Variants in HECW2 observed in about 807,000 individuals in gnomAD.
HECW2 encodes the protein E3 ubiquitin-protein ligase HECW2.
In HECW2, 61 loss-of-function variants were observed where a neutral mutation model predicts 175.2. That is an observed-to-expected ratio of 0.35 (90% CI 0.28 to 0.43). HECW2 has a LOEUF of 0.43. Among genes scored for constraint, HECW2 ranks in the 20% least tolerant of loss-of-function variants. HECW2 has a pLI of 1.00. For synonymous variants in HECW2, 671 were observed against 731.0 expected, an observed-to-expected ratio of 0.92 and a Z score of 1.32; for missense variants, 1,524 against 2,000.5, an observed-to-expected ratio of 0.76 and a Z score of 4.54.
At chr2:196,436,812 G>C (rs1307179351) in intron 1 of HECW2, among the ~76,000 whole-genome samples, 4 of 147,562 alleles carry the variant, frequency 2.7e-5, no homozygotes, top group Admixed American at 6.8e-5. Flanking sequence ...GTGGGAACTT[G>C]AAATTTTGGG....
At chr2:196,245,503 A>C (rs1688613070) in intron 19 of HECW2, among the ~76,000 whole-genome samples, 1 of 152,200 alleles carries the variant, frequency 6.6e-6, no homozygotes, top group Non-Finnish European at 1.5e-5. Context: ...AATGCCCTAG[A>C]GACTGAAAAA....
At chr2:196,488,915 A>T (rs1194431779) in intron 1 of HECW2, among the ~76,000 whole-genome samples, 1 of 152,172 alleles carries the variant, frequency 6.6e-6, no homozygotes, top group East Asian at 1.9e-4. Context: ...ATAAACATTA[A>T]CTTAAAAATT....
chr2:196,479,138 T>C (rs905152449), intron 1 of HECW2, among the ~76,000 whole-genome samples: 1 of 152,180 alleles, frequency 6.6e-6, no homozygotes, highest in Non-Finnish European at 1.5e-5. Flanking sequence ...TACAAGTTGA[T>C]GGCAAAATAA....
chr2:196,376,291 A>G (rs932430526), intron 2 of HECW2, among the ~76,000 whole-genome samples: 3 of 152,226 alleles, frequency 2.0e-5, no homozygotes, highest in Non-Finnish European at 4.4e-5. Context: ...TAATCTCATC[A>G]TACTGAGAAG....
At chr2:196,244,908 A>C (rs1186420087) in intron 19 of HECW2, among the ~76,000 whole-genome samples, 3 of 152,230 alleles carry the variant, frequency 2.0e-5, no homozygotes. Flanking sequence ...GGCATGATGC[A>C]GTGAACAGTG....
intron 2 of HECW2, among the ~76,000 whole-genome samples, chr2:196,399,635 T>A (rs1054491005): frequency 1.3e-5 from 2 of 152,174 alleles, no homozygotes; most frequent in Non-Finnish European, 2.9e-5. Flanking sequence ...CTGCCCAAGC[T>A]GAAGCCACTG....
chr2:196,251,129 T>G (rs777416817), intron 19 of HECW2, among the ~76,000 whole-genome samples: 2 of 152,112 alleles, frequency 1.3e-5, no homozygotes, highest in Non-Finnish European at 2.9e-5. Flanking sequence ...AGGCTTGACC[T>G]TCTGAGCCCA....
At chr2:196,491,409 T>C (rs528851328) in intron 1 of HECW2, among the ~76,000 whole-genome samples, 4 of 134,444 alleles carry the variant, frequency 3.0e-5, no homozygotes, top group Non-Finnish European at 5.0e-5. Context: ...CACACACACG[T>C]GTGTATGCAT....
chr2:196,249,879 A>G (rs2105904601), intron 19 of HECW2, among the ~76,000 whole-genome samples: 1 of 152,336 alleles, frequency 6.6e-6, no homozygotes, highest in Admixed American at 6.5e-5. Flanking sequence ...ACTGCTAGCA[A>G]TTTAGATATA....
At chr2:196,219,344 C>T (rs988325589) in intron 26 of HECW2, among the ~76,000 whole-genome samples, 10 of 152,240 alleles carry the variant, frequency 6.6e-5, no homozygotes. Context: ...CTCTGGGTTA[C>T]CACCAGGTCC....
At chr2:196,374,960 A>C (rs1374219761) in intron 2 of HECW2, among the ~76,000 whole-genome samples, 1 of 152,050 alleles carries the variant, frequency 6.6e-6, no homozygotes, top group Non-Finnish European at 1.5e-5. Flanking sequence ...CAGGAGTTCA[A>C]GACCAGCTTG....
At chr2:196,547,538 G>T (rs570662841) in intron 1 of HECW2, among the ~76,000 whole-genome samples, 1 of 152,284 alleles carries the variant, frequency 6.6e-6, no homozygotes, top group African/African-American at 2.4e-5. Flanking sequence ...CATGTCTGAG[G>T]GTGGGGGCAT....
At chr2:196,388,954 G>C (rs189928049) in intron 2 of HECW2, among the ~76,000 whole-genome samples, 4 of 152,272 alleles carry the variant, frequency 2.6e-5, no homozygotes, top group Non-Finnish European at 4.4e-5. Flanking sequence ...ACTCTGAGGG[G>C]CACCCCAGTG....
intron 19 of HECW2, among the ~76,000 whole-genome samples, chr2:196,248,224 AC>A (rs1688719138): frequency 6.6e-6 from 1 of 152,224 alleles, no homozygotes; most frequent in African/African-American, 2.4e-5. Context: ...GACTTCTCAA[AC>A]CTTGACAGAG....
At chr2:196,584,278 G>C (rs1690897639) in intron 1 of HECW2, among the ~76,000 whole-genome samples, 1 of 152,104 alleles carries the variant, frequency 6.6e-6, no homozygotes, top group African/African-American at 2.4e-5. Context: ...TTATGGGACA[G>C]GAAGAAGACC....
intron 2 of HECW2, among the ~76,000 whole-genome samples, chr2:196,406,534 G>C (rs1178182367): frequency 6.6e-6 from 1 of 152,200 alleles, no homozygotes; most frequent in African/African-American, 2.4e-5. Context: ...TCTTCTAAAA[G>C]TCAAACCTTA....
At chr2:196,528,626 G>A (rs2125448343) in intron 1 of HECW2, among the ~76,000 whole-genome samples, 2 of 152,246 alleles carry the variant, frequency 1.3e-5, no homozygotes, top group South Asian at 4.1e-4. Flanking sequence ...AAAAAGGAAG[G>A]CTTTTCTATT....
intron 5 of HECW2, among the ~76,000 whole-genome samples, chr2:196,327,710 T>C (rs189622220): frequency 2.4e-4 from 36 of 152,206 alleles, no homozygotes; most frequent in Non-Finnish European, 1.5e-4. Flanking sequence ...TTTCAGCTCC[T>C]AGTCATTTCT....
intron 1 of HECW2, among the ~76,000 whole-genome samples, chr2:196,541,254 A>G (rs1689202033): frequency 6.6e-6 from 1 of 152,076 alleles, no homozygotes; most frequent in Non-Finnish European, 1.5e-5. Context: ...TTGTTATTGT[A>G]ATTATATAAT....
Sources: allele counts gnomAD v4.1 joint callset (sites outside exome capture counted in the v4.1 genomes callset), GRCh38; gene constraint gnomAD v4.1.1; transcripts MANE v1.5; gene names NCBI Gene and HGNC (gene_info 2026-07-23, HGNC 2026-07-21).